Variants in CATSPER3 observed in about 807,000 individuals in gnomAD.
CATSPER3 encodes cation channel sperm associated 3, also known as cation channel sperm-associated protein 3.
A neutral mutation model predicts 36.6 loss-of-function variants in CATSPER3; 23 were observed. That is an observed-to-expected ratio of 0.63 (90% confidence interval 0.45 to 0.89). The LOEUF is 0.89. CATSPER3 is among the 40% of genes least tolerant of loss of function. The pLI, the probability that CATSPER3 is intolerant of heterozygous loss-of-function variation, is 0.00. For missense variants in CATSPER3, 474 were observed against 503.9 expected (o/e 0.94, Z 0.57); for synonymous variants, 172 against 184.1 (o/e 0.93, Z 0.53).
At chr5:134,984,814 C>G (rs1337611217) in intron 2 of CATSPER3, among the ~76,000 whole-genome samples, 4 of 138,426 alleles carry the variant, frequency 2.9e-5, no homozygotes, top group Non-Finnish European at 6.2e-5. Flanking sequence ...CAGACACCTG[C>G]ATGCATTTTT....
Position 135,010,528 on chromosome 5 carries a change from C to A in CATSPER3, c.1092C>A (p.His364Gln). The A allele has an allele frequency of 1.2e-6, 2 of 1,614,048 alleles. No homozygotes were observed. The highest frequency in any genetic ancestry group is 1.7e-6 in the Non-Finnish European group (2 of 1,179,870). ...TGGACTACCAGGACACAACTGTCCA[C>A]AAGTCAGTTCCAGCCCCAGCCTTCC... Reference protein sequence around the residue: ...STLDYQDTTVHKLQELYYEIV... With the variant: ...STLDYQDTTVQKLQELYYEIV... The change falls in exon 7 of 8, where the codon CAC becomes CAA. Residue 364 changes from histidine to glutamine, a missense_variant and splice_region_variant. By Grantham distance (24) the His-to-Gln change is conservative. Transcript: ENST00000282611.
chr5:134,980,350 C>CTCCCTCCCTCCTCTCTTCCTTCCT (rs1751735166), intron 2 of CATSPER3, among the ~76,000 whole-genome samples: 1 of 150,120 alleles, frequency 6.7e-6, no homozygotes, highest in African/African-American at 2.5e-5. Context: ...TCCCTCCTCC[C>CTCCCTCCCTCCTCTCTTCCTTCCT]TCCCTCCCTC....
rs757735830 is a variant in CATSPER3 at position 135,011,625 on chromosome 5, T to A, written c.*2T>A. On this transcript the variant is annotated 3_prime_UTR_variant, in exon 8 of 8. Coordinates refer to ENST00000282611, the MANE Select transcript of CATSPER3 (RefSeq NM_178019.3). ...TTGGAAAAGGTGGATGAGAAGTAGC[T>A]GGGCATGGGGCACCCATGTGCCGAG... 1 of 1,606,990 alleles carries A rather than the reference T, an allele frequency of 6.2e-7. No individual in the cohort carries two copies. The highest frequency in any genetic ancestry group is 8.5e-7 in the Non-Finnish European group (1 of 1,174,070).
chr5:134,980,341 C>T (rs1751735019), intron 2 of CATSPER3, among the ~76,000 whole-genome samples: 1 of 145,930 alleles, frequency 6.9e-6, no homozygotes, highest in African/African-American at 2.5e-5. Context: ...TTTTTTCTTT[C>T]CCTCCTCCCT....
rs748538497 is a variant in CATSPER3, at chr5:135,010,358, T to C, written c.937-15T>C. ...CCTCCTCATCACTGCTCTCTCGTTA[T>C]GCTTTCCTCTCTAGAAAAATGCTGA... is the stretch of plus-strand genomic sequence containing the variant. On this transcript the variant is annotated splice_polypyrimidine_tract_variant and intron_variant, in intron 6 of 7. Coordinates refer to ENST00000282611, the MANE Select transcript of CATSPER3 (RefSeq NM_178019.3). 4 of 1,613,212 alleles carry C rather than the reference T, an allele frequency of 2.5e-6. No individual in the cohort carries two copies. Among genetic ancestry groups the C allele is most frequent in the South Asian group, 1.1e-5 (1 of 91,068 alleles).
At chr5:134,975,053 A>G (rs1751651388) in intron 2 of CATSPER3, 1 of 151,868 alleles carries the variant, frequency 6.6e-6, no homozygotes, top group Admixed American at 6.6e-5. Context: ...CTTATTACTA[A>G]CTGAGAATTT....
intron 3 of CATSPER3, 41 bp downstream of exon 3, chr5:134,996,553 C>T (rs770060934): frequency 4.6e-5 from 74 of 1,607,786 alleles, no homozygotes; most frequent in Admixed American, 1.2e-4. Flanking sequence ...GAGGGCAGGC[C>T]GTAGGCCCAT....
At chr5:134,984,758 A>G (rs1050441170) in intron 2 of CATSPER3, among the ~76,000 whole-genome samples, 3 of 152,000 alleles carry the variant, frequency 2.0e-5, no homozygotes, top group East Asian at 1.9e-4. Flanking sequence ...CAATCCAGCA[A>G]TCCCACTACT....
chr5:134,981,544 A>T (rs1751750966), intron 2 of CATSPER3, among the ~76,000 whole-genome samples: 1 of 152,178 alleles, frequency 6.6e-6, no homozygotes. Flanking sequence ...AAGTGAAGAA[A>T]TAGAGACTTC....
intron 3 of CATSPER3, among the ~76,000 whole-genome samples, chr5:135,000,231 C>G (rs1052394488): frequency 6.6e-6 from 1 of 151,170 alleles, no homozygotes; most frequent in African/African-American, 2.4e-5. Flanking sequence ...GCATATGTTG[C>G]GTCCCATAGG....
intron 3 of CATSPER3, among the ~76,000 whole-genome samples, chr5:135,006,706 C>A (rs370412480): frequency 6.6e-6 from 1 of 151,548 alleles, no homozygotes; most frequent in African/African-American, 2.4e-5. Context: ...GGCGCAGTGG[C>A]GGGCACCTGT....
At chr5:134,978,605 A>C (rs1437223832) in intron 2 of CATSPER3, among the ~76,000 whole-genome samples, 1 of 152,216 alleles carries the variant, frequency 6.6e-6, no homozygotes, top group Admixed American at 6.5e-5. Context: ...ACTGGAAGTC[A>C]TGGCTAATGC....
chr5:134,990,557 T>C (rs774179377), intron 2 of CATSPER3, among the ~76,000 whole-genome samples: 1 of 152,208 alleles, frequency 6.6e-6, no homozygotes, highest in Non-Finnish European at 1.5e-5. Flanking sequence ...ATATTTTCCT[T>C]TCACAATAGT....
chr5:134,967,990 A>T lies in CATSPER3; in HGVS notation c.-2A>T. 6.2e-7 allele frequency: 1 copy of T among 1,612,620 alleles called. No homozygotes were observed. The highest frequency in any genetic ancestry group is 1.3e-5 in the African/African-American group (1 of 75,032). ...AAGGAATAAAAGTTGAAAATTTGGA[A>T]AATGTCTCAACACCGTCACCAGCGC... On this transcript the variant is annotated 5_prime_UTR_variant, in exon 1 of 8. Coordinates refer to ENST00000282611, the MANE Select transcript of CATSPER3 (RefSeq NM_178019.3).
Position 134,967,990 on chromosome 5 carries a change from A to G in CATSPER3, c.-2A>G. 1 of 1,612,620 alleles carries G rather than the reference A, an allele frequency of 6.2e-7. No individual in the cohort carries two copies. Among genetic ancestry groups the G allele is most frequent in the African/African-American group, 1.3e-5 (1 of 75,032 alleles). ...AAGGAATAAAAGTTGAAAATTTGGA[A>G]AATGTCTCAACACCGTCACCAGCGC... On this transcript the variant is annotated 5_prime_UTR_variant, in exon 1 of 8. Coordinates refer to ENST00000282611, the MANE Select transcript of CATSPER3 (RefSeq NM_178019.3).
At chr5:134,984,883 G>A (rs903311262) in intron 2 of CATSPER3, among the ~76,000 whole-genome samples, 1 of 150,922 alleles carries the variant, frequency 6.6e-6, no homozygotes, top group Non-Finnish European at 1.5e-5. Context: ...TGAGAGGCAC[G>A]ATCTCAGCTC....
intron 2 of CATSPER3, among the ~76,000 whole-genome samples, chr5:134,992,418 T>C (rs1751889403): frequency 6.6e-6 from 1 of 152,078 alleles, no homozygotes; most frequent in Non-Finnish European, 1.5e-5. Context: ...TTAGAATAGT[T>C]ATTATTAAAA....
chr5:134,977,042 G>C (rs994666391), intron 2 of CATSPER3, among the ~76,000 whole-genome samples: 6 of 152,176 alleles, frequency 3.9e-5, no homozygotes, highest in African/African-American at 1.2e-4. Flanking sequence ...GTTATGAGAG[G>C]GGCTGCCTTG....
chr5:135,006,605 G>T (rs6860707), intron 3 of CATSPER3, among the ~76,000 whole-genome samples: 72,352 of 151,822 alleles, frequency 0.48, 18,502 homozygotes, highest in Middle Eastern at 0.7. Context: ...GGGAGGCCAA[G>T]GTGGGTGGAT....
Sources: allele counts gnomAD v4.1 joint callset (sites outside exome capture counted in the v4.1 genomes callset), GRCh38; gene constraint gnomAD v4.1.1; transcripts MANE v1.5; gene names NCBI Gene and HGNC (gene_info 2026-07-23, HGNC 2026-07-21).